The following ACP3 variants were observed in gnomAD, a reference collection of about 807,000 sequenced individuals.
ACP3 encodes acid phosphatase 3.
In ACP3, 38 loss-of-function variants were observed where a neutral mutation model predicts 45.6. The ratio of observed to expected loss-of-function variants is 0.83; its 90% confidence interval spans 0.64 to 1.09. The LOEUF (loss-of-function observed/expected upper bound fraction) is 1.09. ACP3 is among the 50% of genes least tolerant of loss of function. ACP3 has a pLI of 0.00. For synonymous variants in ACP3, 162 were observed against 164.7 expected (o/e 0.98, Z 0.13); for missense variants, 466 against 463.2 (o/e 1.01, Z -0.05).
chr3:132,366,207 G>A (rs1938129052), intron 10 of ACP3, among the ~76,000 whole-genome samples: 2 of 151,102 alleles, frequency 1.3e-5, no homozygotes, highest in African/African-American at 2.4e-5. Flanking sequence ...AGGGTGAGGT[G>A]AGAGGATCAC....
chr3:132,361,740 A>G (rs891782802), downstream of ACP3, among the ~76,000 whole-genome samples: 1 of 152,194 alleles, frequency 6.6e-6, no homozygotes, highest in East Asian at 1.9e-4. Context: ...ATCTATTGAT[A>G]AGTCCTTTAA....
chr3:132,360,688 C>G (rs889337346), downstream of ACP3, among the ~76,000 whole-genome samples: 7 of 152,302 alleles, frequency 4.6e-5, no homozygotes, highest in South Asian at 1.4e-3. Context: ...CTCTCCCACC[C>G]CCATCTCAAT....
rs545658657 is a variant in ACP3, at chr3:132,344,052, C to T, written c.649-875C>T. Among the ~76,000 whole-genome samples the T allele has an allele frequency of 2.5e-4, 38 of 152,142 alleles. 2 individuals carry two copies. The South Asian group carries it at 7.5e-3, about 30-fold the overall frequency. ...TCCCAGCACTTTGGGCTAAGGTGGG[C>T]GGATTGCCTGAGCTCAGGAGTTCGA... On this transcript the variant is annotated intron_variant, in intron 6 of 9. Coordinates refer to ENST00000336375, the MANE Select transcript of ACP3 (RefSeq NM_001099.5).
chr3:132,349,818 C>T, intron 7 of ACP3, 102 bp from the exon 8 acceptor site: 1 of 743,576 alleles, frequency 1.3e-6, no homozygotes, highest in South Asian at 1.6e-5. Context: ...CTTCTTAAGT[C>T]ATGGCAGGGA....
chr3:132,351,046 G>A (rs1339187087), intron 8 of ACP3, among the ~76,000 whole-genome samples: 1 of 152,174 alleles, frequency 6.6e-6, no homozygotes, highest in East Asian at 1.9e-4. Flanking sequence ...TGTGGAAGGT[G>A]AAGCCCCAGA....
chr3:132,344,277 C>CAA (rs56793876), intron 6 of ACP3, among the ~76,000 whole-genome samples: 4,121 of 99,312 alleles, frequency 0.041, 133 homozygotes, highest in Non-Finnish European at 0.06. Flanking sequence ...GATTCTGTCT[C>CAA]AAAAAAAAAA....
intron 1 of ACP3, among the ~76,000 whole-genome samples, chr3:132,321,002 A>G (rs1403761578): frequency 6.6e-6 from 1 of 152,038 alleles, no homozygotes. Context: ...CACATAATCT[A>G]TATACTGGAA....
At chr3:132,333,212 T>C (rs1293569842) in intron 4 of ACP3, among the ~76,000 whole-genome samples, 2 of 152,136 alleles carry the variant, frequency 1.3e-5, no homozygotes, top group African/African-American at 4.8e-5. Flanking sequence ...GCTGCCTGAA[T>C]GGGGCTGTTT....
downstream of ACP3, among the ~76,000 whole-genome samples, chr3:132,360,526 T>G (rs1938022274): frequency 6.6e-6 from 1 of 152,164 alleles, no homozygotes; most frequent in Non-Finnish European, 1.5e-5. Context: ...CTTAACCAGA[T>G]TCCAGATCGT....
Position 132,347,175 on chromosome 3 carries a change from G to A in ACP3, c.781+2116G>A, listed in dbSNP as rs565476808. ...CTCTGATCTTGGATTCTAAAGGCTG[G>A]CACTTGTATGAAACCAGCTGTCCTG... On this transcript the variant is annotated intron_variant, in intron 7 of 9. Transcript: ENST00000336375. Among the ~76,000 whole-genome samples, 46 of 152,310 alleles carry A rather than the reference G, an allele frequency of 3.0e-4. 2 individuals carry two copies. The South Asian group carries it at 8.5e-3, about 28-fold the overall frequency.
intron 7 of ACP3, among the ~76,000 whole-genome samples, chr3:132,348,504 C>G (rs1466266494): frequency 6.6e-6 from 1 of 151,998 alleles, no homozygotes; most frequent in Non-Finnish European, 1.5e-5. Context: ...GTAATCATAC[C>G]AGAACCAAGA....
At chr3:132,341,492 T>C (rs914602499) in intron 5 of ACP3, among the ~76,000 whole-genome samples, 1 of 152,246 alleles carries the variant, frequency 6.6e-6, no homozygotes, top group African/African-American at 2.4e-5. Flanking sequence ...TTTCCTTTTA[T>C]GTGACATTGA....
rs1938150574 is a variant in ACP3 at position 132,367,553 on chromosome 3, T to C, written c.1139-151T>C. On this transcript the variant is annotated intron_variant, in intron 10 of 10. Coordinates refer to the ACP3 transcript ENST00000351273. Reference sequence around the variant, plus strand: ...CATCTCCTGACTCCTAGTCCTGTGCTCTTCTTAGCACACACATAATGCTGA... The same window carrying C: ...CATCTCCTGACTCCTAGTCCTGTGCCCTTCTTAGCACACACATAATGCTGA... 32 of 615,878 alleles carry C rather than the reference T, an allele frequency of 5.2e-5. 1 individual carries two copies. The South Asian group carries it at 5.9e-4, about 11-fold the overall frequency. 38.2% of individuals were successfully genotyped at this position (615,878 alleles called of 1,614,324 possible). A position where few individuals can be genotyped will look rare whatever the true frequency, so the allele number is the denominator to read the frequency against.
At chr3:132,323,551 G>A (rs771094377) in intron 1 of ACP3, among the ~76,000 whole-genome samples, 8 of 152,226 alleles carry the variant, frequency 5.3e-5, no homozygotes, top group Non-Finnish European at 7.3e-5. Flanking sequence ...ATGTCTCTCT[G>A]TAAAGGTCAA....
chr3:132,340,490 C>T (rs1937541931), intron 5 of ACP3, among the ~76,000 whole-genome samples: 1 of 152,116 alleles, frequency 6.6e-6, no homozygotes. Context: ...AAGCTTTCCC[C>T]ACTCCTAGGT....
rs1269179298 is a variant in ACP3 at position 132,349,956 on chromosome 3, G to C, written c.818G>C (p.Arg273Thr). The C allele has an allele frequency of 7.4e-6, 12 of 1,612,898 alleles. No individual in the cohort carries two copies. Among genetic ancestry groups the C allele is most frequent in the East Asian group, 4.5e-5 (2 of 44,868 alleles). The change falls in exon 8 of 10, where the codon AGA becomes ACA. Residue 273 changes from arginine (R) to threonine (T), a missense_variant. Physicochemically the swap from Arg to Thr is moderately conservative, Grantham distance 71. Coordinates refer to ENST00000336375, the MANE Select transcript of ACP3 (RefSeq NM_001099.5). The part of the protein sequence containing the change: ...LVNEILNHMK[R>T]ATQIPSYKKL... ...AATGAAATCCTCAATCACATGAAGA[G>C]AGCAACTCAGATACCAAGCTACAAA...
intron 5 of ACP3, among the ~76,000 whole-genome samples, chr3:132,339,287 A>G (rs949555073): frequency 7.9e-5 from 12 of 152,324 alleles, no homozygotes; most frequent in Admixed American, 4.6e-4. Context: ...ACTTGAAAAC[A>G]CCAATCAACA....
chr3:132,349,746 A>AG (rs1352637721), intron 7 of ACP3, among the ~76,000 whole-genome samples, 174 bp from the exon 8 acceptor site: 2 of 152,172 alleles, frequency 1.3e-5, no homozygotes, highest in Non-Finnish European at 2.9e-5. Flanking sequence ...AAAAAAAAAA[A>AG]GTATGTAAAT....
intron 10 of ACP3, among the ~76,000 whole-genome samples, chr3:132,364,060 CT>C (rs1938090107): frequency 6.6e-6 from 1 of 150,524 alleles, no homozygotes; most frequent in South Asian, 2.1e-4. Flanking sequence ...AAACTGGCCC[CT>C]GGCCAGGCAC....
Sources: gnomAD v4.1 joint callset for allele counts (sites outside exome capture counted in the v4.1 genomes callset) on GRCh38, gnomAD v4.1.1 for gene constraint, MANE v1.5 for transcripts, NCBI Gene and HGNC (gene_info 2026-07-23, HGNC 2026-07-21) for gene names.